Variants in ZDHHC15 observed in about 807,000 individuals in gnomAD.
ZDHHC15 encodes palmitoyltransferase ZDHHC15.
ZDHHC15 carries 19 observed loss-of-function variants against 31.7 expected under a neutral mutation model. The observed-to-expected ratio is 0.60, with a 90% CI of 0.42 to 0.88. ZDHHC15 has a LOEUF of 0.88. Among genes scored for constraint, ZDHHC15 ranks in the 40% least tolerant of loss-of-function variants. The pLI is 0.00. For missense variants in ZDHHC15, 209 were observed against 251.2 expected (o/e 0.83, Z 1.14); for synonymous variants, 103 against 90.0 (o/e 1.14, Z -0.82).
chrX:75,406,061 C>T (rs896759615), intron 10 of ZDHHC15, among the ~76,000 whole-genome samples: 1 of 111,655 alleles, frequency 9.0e-6, no homozygotes, highest in Non-Finnish European at 1.9e-5. Context: ...AACCCTGGAA[C>T]CTGCACAAAC....
chrX:75,370,523 CTTTTTTTTT>C lies in ZDHHC15; in HGVS notation c.*2446_*2454del, dbSNP rs201758247. On this transcript the variant is annotated 3_prime_UTR_variant, in exon 12 of 12. Transcript: ENST00000373367. ...CCTGGTAAAACCCTGATTTATTTGGCTTTTTTTTTTTTTTTTTTTTTTTTTGAGACAGAG... is the reference window on the plus strand; with the variant it reads ...CCTGGTAAAACCCTGATTTATTTGGCTTTTTTTTTTTTTTTTGAGACAGAG... The C allele has an allele frequency of 0.21, 17,363 of 81,079 alleles. 1,988 individuals carry two copies. Among genetic ancestry groups the C allele is most frequent in the East Asian group, 0.84 (2,113 of 2,514 alleles). The allele number at this position is 81,079 out of a possible 1,213,427, so 6.7% of individuals were successfully genotyped here. A position where few individuals can be genotyped will look rare whatever the true frequency, so the allele number is the denominator to read the frequency against.
intron 8 of ZDHHC15, among the ~76,000 whole-genome samples, chrX:75,422,203 A>G (rs2083653786): frequency 8.9e-6 from 1 of 112,076 alleles, no homozygotes; most frequent in African/African-American, 3.2e-5. Context: ...TTGTTACTGC[A>G]TATAAAGAAT....
chrX:75,514,748 A>G (rs905086458), intron 1 of ZDHHC15, among the ~76,000 whole-genome samples: 2 of 111,677 alleles, frequency 1.8e-5, no homozygotes, highest in Non-Finnish European at 1.9e-5. Context: ...TATCCCATGC[A>G]AGGCTCGGTG....
chrX:75,387,531 A>G (rs1211451156), intron 10 of ZDHHC15, among the ~76,000 whole-genome samples: 1 of 112,117 alleles, frequency 8.9e-6, no homozygotes, highest in Non-Finnish European at 1.9e-5. Context: ...CTAATCTGAA[A>G]AAAATCATTA....
At chrX:75,405,843 C>T (rs965973696) in intron 10 of ZDHHC15, among the ~76,000 whole-genome samples, 1 of 112,107 alleles carries the variant, frequency 8.9e-6, no homozygotes, top group Non-Finnish European at 1.9e-5. Flanking sequence ...GAACATTTCA[C>T]ACAATTGCTA....
At chrX:75,384,810 C>G (rs1320524664) in intron 10 of ZDHHC15, 1 of 814,447 alleles carries the variant, frequency 1.2e-6, no homozygotes, top group Non-Finnish European at 1.9e-6. Flanking sequence ...AACCTATTCT[C>G]TATGAATTTA....
At position 75,368,837 on chromosome X, in the gene ZDHHC15, G is replaced by T. The variant is rs958733743; in HGVS notation, c.*4141C>A. ...TGGCTGTGTACCATCCTGCTACAAA[G>T]AACACATTTAATGGTTTTGAACACT... On this transcript the variant is annotated 3_prime_UTR_variant, in exon 12 of 12. Coordinates refer to ENST00000373367, the MANE Select transcript of ZDHHC15 (RefSeq NM_144969.3). 9.0e-6 allele frequency: 1 copy of T among 111,459 alleles called. No homozygotes were observed. Among genetic ancestry groups the T allele is most frequent in the Non-Finnish European group, 1.9e-5 (1 of 53,077 alleles). The allele number at this position is 111,459 out of a possible 1,213,427, so 9.2% of individuals were successfully genotyped here. A position where few individuals can be genotyped will look rare whatever the true frequency, so the allele number is the denominator to read the frequency against.
chrX:75,453,530 C>A (rs1212428282), intron 3 of ZDHHC15, among the ~76,000 whole-genome samples: 1 of 111,610 alleles, frequency 9.0e-6, no homozygotes, highest in Non-Finnish European at 1.9e-5. Flanking sequence ...CTCCCTAACT[C>A]ATTTTATGAG....
chrX:75,381,670 C>T (rs1055702358), intron 10 of ZDHHC15, among the ~76,000 whole-genome samples: 1 of 111,440 alleles, frequency 9.0e-6, no homozygotes, highest in African/African-American at 3.3e-5. Flanking sequence ...ATCATCTGGC[C>T]GTATCTTACC....
At position 75,453,127 on chromosome X, in the gene ZDHHC15, T is replaced by C. The variant is rs189303213; in HGVS notation, c.259-2205A>G. 1.2e-4 allele frequency among the ~76,000 whole-genome samples: 13 copies of C among 110,985 alleles called. No homozygotes were observed. In the East Asian group the frequency reaches 1.7e-3, roughly 15 times the overall value. On this transcript the variant is annotated intron_variant, in intron 3 of 11. Coordinates refer to ENST00000373367, the MANE Select transcript of ZDHHC15 (RefSeq NM_144969.3). ...TTTTTGAAAAGATCAACAAAAGTGA[T>C]AGACTGCTAGACTGCTAGCAAGACT...
At chrX:75,384,351 G>A (rs1180412971) in intron 10 of ZDHHC15, 12 of 928,388 alleles carry the variant, frequency 1.3e-5, no homozygotes, top group African/African-American at 3.9e-5. Context: ...CCAAAATGAC[G>A]AACACAAAGG....
intron 2 of ZDHHC15, among the ~76,000 whole-genome samples, chrX:75,479,957 C>T (rs1350420382): frequency 9.0e-6 from 1 of 111,528 alleles, no homozygotes; most frequent in Non-Finnish European, 1.9e-5. Flanking sequence ...TTTTCATACC[C>T]TTTGCCTTTT....
chrX:75,450,594 G>C (rs930743301), intron 4 of ZDHHC15: 1 of 739,928 alleles, frequency 1.4e-6, no homozygotes, highest in African/African-American at 2.2e-5. Flanking sequence ...GAAGAATCCA[G>C]TTTGGGGTAT....
At chrX:75,508,479 A>G (rs1224526814) in intron 1 of ZDHHC15, among the ~76,000 whole-genome samples, 1 of 108,000 alleles carries the variant, frequency 9.3e-6, no homozygotes, top group African/African-American at 3.4e-5. Flanking sequence ...ACATGAACTC[A>G]TCCTTTTTTA....
intron 4 of ZDHHC15, among the ~76,000 whole-genome samples, chrX:75,431,959 GAAT>G (rs2147865026): frequency 9.0e-6 from 1 of 111,598 alleles, no homozygotes; most frequent in Admixed American, 9.5e-5. Context: ...GTGGTTTCTA[GAAT>G]AATAATTTGG....
intron 10 of ZDHHC15, among the ~76,000 whole-genome samples, chrX:75,393,670 C>A (rs2083269473): frequency 1.8e-5 from 2 of 111,801 alleles, no homozygotes; most frequent in Non-Finnish European, 3.8e-5. Flanking sequence ...CCCAAACCAA[C>A]AAAAGAACTC....
intron 1 of ZDHHC15, among the ~76,000 whole-genome samples, chrX:75,515,632 G>T (rs184712717): frequency 1.8e-5 from 2 of 111,551 alleles, no homozygotes; most frequent in Admixed American, 1.9e-4. Context: ...ATATCCTACC[G>T]AATGGGCAAA....
intron 10 of ZDHHC15, among the ~76,000 whole-genome samples, chrX:75,383,414 C>T (rs1428567631): frequency 9.0e-6 from 1 of 111,472 alleles, no homozygotes; most frequent in African/African-American, 3.3e-5. Context: ...TTGAGCCAGG[C>T]TACTTTCTTC....
chrX:75,412,558 A>C (rs1221826879), intron 10 of ZDHHC15, among the ~76,000 whole-genome samples: 2 of 110,381 alleles, frequency 1.8e-5, no homozygotes, highest in East Asian at 5.7e-4. Flanking sequence ...CAACCTCCCG[A>C]GTAGCTGGGA....
Sources: allele counts gnomAD v4.1 joint callset (sites outside exome capture counted in the v4.1 genomes callset), GRCh38; gene constraint gnomAD v4.1.1; transcripts MANE v1.5; gene names NCBI Gene and HGNC (gene_info 2026-07-23, HGNC 2026-07-21).